SEMA3A: variants seen among roughly 807,000 people sequenced by gnomAD.
SEMA3A encodes the protein semaphorin 3A.
A neutral mutation model predicts 97.9 loss-of-function variants in SEMA3A; 29 were observed. That is an observed-to-expected ratio of 0.30 (90% CI 0.22 to 0.40). SEMA3A has a LOEUF of 0.40. Ranked by LOEUF, SEMA3A falls within the 10% of genes least tolerant of loss-of-function variation. The probability of loss-of-function intolerance (pLI) is 1.00; values close to 1 mark genes in which losing one functional copy is unlikely to be tolerated. For missense variants in SEMA3A, 763 were observed against 951.3 expected (o/e 0.80, Z 2.60); for synonymous variants, 321 against 323.7 (o/e 0.99, Z 0.09).
chr7:83,985,871 G>A (rs2116330897), intron 12 of SEMA3A, among the ~76,000 whole-genome samples: 1 of 152,306 alleles, frequency 6.6e-6, no homozygotes, highest in East Asian at 1.9e-4. Flanking sequence ...TGGTCAAAAA[G>A]CAGGGGTAAT....
In SEMA3A at chr7:84,095,341, T is replaced by TA. The variant is rs1425077698; in HGVS notation, c.453+15128_453+15129insT. On this transcript the variant is annotated intron_variant, in intron 4 of 16. Coordinates refer to ENST00000265362, the MANE Select transcript of SEMA3A (RefSeq NM_006080.3). ...ATGGCATTATATATATTATATATAT[T>TA]TTATATTTTTTATATACATATATAT... is the stretch of plus-strand genomic sequence containing the variant. Among the ~76,000 whole-genome samples, 268 of 119,738 alleles carry TA rather than the reference T, an allele frequency of 2.2e-3. 7 individuals are homozygous for TA. Among genetic ancestry groups the TA allele is most frequent in the Non-Finnish European group, 2.9e-3 (172 of 59,534 alleles). The allele number at this position is 119,738 out of a possible 152,430, so 78.6% of individuals were successfully genotyped here. A position where few individuals can be genotyped will look rare whatever the true frequency, so the allele number is the denominator to read the frequency against.
At chr7:84,397,426 A>T (rs1282296526) in intron 1 of SEMA3A, among the ~76,000 whole-genome samples, 4 of 148,246 alleles carry the variant, frequency 2.7e-5, no homozygotes, top group Admixed American at 2.0e-4. Flanking sequence ...TATATATATA[A>T]AATATATAAT....
At chr7:84,046,537 G>T in intron 5 of SEMA3A, 94 bp from the exon 6 acceptor site, 2 of 1,447,468 alleles carry the variant, frequency 1.4e-6, no homozygotes, top group South Asian at 2.5e-5. Context: ...TTCATGTTAT[G>T]ACCATGCTAA....
At position 83,956,957 on chromosome 7, in the gene SEMA3A, G is replaced by A. The variant is rs1305035430; in HGVS notation, c.*4414C>T. ...TCCATACCGCTCTTATTGTGAGCTTGTATTTGGCAATTGTCATATCGTAAC... is the reference window on the plus strand; with the variant it reads ...TCCATACCGCTCTTATTGTGAGCTTATATTTGGCAATTGTCATATCGTAAC... On this transcript the variant is annotated 3_prime_UTR_variant, in exon 17 of 17. Coordinates refer to ENST00000265362, the MANE Select transcript of SEMA3A (RefSeq NM_006080.3). 4.0e-5 allele frequency: 6 copies of A among 151,298 alleles called. No homozygotes were observed. The highest frequency in any genetic ancestry group is 3.3e-4 in the Admixed American group (5 of 15,172). The allele number at this position is 151,298 out of a possible 1,614,324, so 9.4% of individuals were successfully genotyped here.
chr7:84,075,919 A>C (rs901180387), intron 4 of SEMA3A, among the ~76,000 whole-genome samples: 1 of 152,184 alleles, frequency 6.6e-6, no homozygotes, highest in Non-Finnish European at 1.5e-5. Context: ...ATGGTTTATC[A>C]ATTATGAAAT....
intron 3 of SEMA3A, among the ~76,000 whole-genome samples, chr7:84,291,599 A>G (rs1316043436): frequency 3.9e-5 from 6 of 152,100 alleles, no homozygotes; most frequent in Admixed American, 2.0e-4. Flanking sequence ...AATTTGTGTT[A>G]CCATGTTCTT....
chr7:84,237,215 C>A (rs1028778864), intron 3 of SEMA3A, among the ~76,000 whole-genome samples: 2 of 152,018 alleles, frequency 1.3e-5, no homozygotes, highest in Non-Finnish European at 1.5e-5. Context: ...AAGGAAAAGA[C>A]AAACATATGT....
chr7:84,099,366 G>C (rs1375396328), intron 4 of SEMA3A, among the ~76,000 whole-genome samples: 1 of 54,900 alleles, frequency 1.8e-5, no homozygotes, highest in African/African-American at 3.6e-5. Flanking sequence ...CACCGCGCCC[G>C]GCCTTGAATT....
At chr7:84,245,539 C>T (rs929152909) in intron 3 of SEMA3A, among the ~76,000 whole-genome samples, 1 of 151,610 alleles carries the variant, frequency 6.6e-6, no homozygotes, top group Non-Finnish European at 1.5e-5. Context: ...TTAGAACATG[C>T]TTCTTTAGCT....
intron 3 of SEMA3A, among the ~76,000 whole-genome samples, chr7:84,270,523 C>T (rs1251991931): frequency 6.8e-6 from 1 of 147,480 alleles, no homozygotes; most frequent in Admixed American, 6.8e-5. Flanking sequence ...TCTCTATATG[C>T]ATATATATGA....
chr7:84,395,718 T>C (rs1178642739), intron 1 of SEMA3A, among the ~76,000 whole-genome samples: 3 of 152,238 alleles, frequency 2.0e-5, no homozygotes, highest in Admixed American at 1.3e-4. Flanking sequence ...CACTTCTTCC[T>C]GCTGCCCTTT....
rs371095554 is a variant in SEMA3A, at chr7:84,429,551, G to T, written c.-245-57651C>A. Among the ~76,000 whole-genome samples the T allele has an allele frequency of 6.4e-3, 334 of 52,498 alleles. 2 individuals are homozygous for T. Among genetic ancestry groups the T allele is most frequent in the African/African-American group, 0.023 (206 of 9,140 alleles). The allele number at this position is 52,498 out of a possible 152,430, so 34.4% of individuals were successfully genotyped here. ...ATATATATATATATATATATATAGC[G>T]AGAGAGAGAGAGAGAGAGAGAGGTT... On this transcript the variant is annotated intron_variant, in intron 1 of 3. Transcript: ENST00000424555.
intron 1 of SEMA3A, among the ~76,000 whole-genome samples, chr7:84,425,283 ATATATT>A (rs1804771842): frequency 8.1e-6 from 1 of 123,794 alleles, no homozygotes; most frequent in Non-Finnish European, 1.6e-5. Flanking sequence ...TATTTATATA[ATATATT>A]TATATTTATA....
intron 1 of SEMA3A, among the ~76,000 whole-genome samples, chr7:84,431,855 A>C (rs1426837934): frequency 6.6e-6 from 1 of 152,032 alleles, no homozygotes; most frequent in African/African-American, 2.4e-5. Context: ...ACTATATGTA[A>C]AGAAATAATT....
chr7:84,394,123 G>T (rs1206586943), intron 1 of SEMA3A, among the ~76,000 whole-genome samples: 2 of 151,966 alleles, frequency 1.3e-5, no homozygotes, highest in Admixed American at 6.6e-5. Context: ...ATCACAATAT[G>T]CAAGAAGGAT....
At chr7:84,107,692 A>G (rs1170697641) in intron 4 of SEMA3A, among the ~76,000 whole-genome samples, 1 of 152,168 alleles carries the variant, frequency 6.6e-6, no homozygotes, top group Non-Finnish European at 1.5e-5. Context: ...CCAGCTGCCC[A>G]CCCATACAGC....
In SEMA3A at chr7:83,961,696, G is replaced by A; in HGVS notation, c.1991C>T (p.Thr664Ile). 1 of 1,613,604 alleles carries A rather than the reference G, an allele frequency of 6.2e-7. No individual in the cohort carries two copies. Among genetic ancestry groups the A allele is most frequent in the Non-Finnish European group, 8.5e-7 (1 of 1,179,826 alleles). Residue 664 changes from threonine to isoleucine, a missense_variant, in exon 17 of 17, where the codon ACC becomes ATC. Transcript: ENST00000265362. ...HGFIQTLLKV[T>I]LEVIDTEHLE... ...ATGCTCTGTGTCAATGACTTCCAGG[G>A]TTACCTTAAGAAGAGTTTGTATGAA...
At chr7:84,178,211 T>C (rs1269818560) in intron 1 of SEMA3A, among the ~76,000 whole-genome samples, 2 of 152,274 alleles carry the variant, frequency 1.3e-5, no homozygotes, top group Non-Finnish European at 2.9e-5. Context: ...CCACAGCTCT[T>C]ATCTAATTCC....
Position 83,976,966 on chromosome 7 carries a change from T to C in SEMA3A, c.1717+166A>G, listed in dbSNP as rs112779252. 3.3e-5 allele frequency among the ~76,000 whole-genome samples: 5 copies of C among 152,290 alleles called. 1 individual carries two copies. Among genetic ancestry groups the C allele is most frequent in the African/African-American group, 1.2e-4 (5 of 41,578 alleles). ...TTTATGATAATAAAACATAATTCAG[T>C]GCCTTGTGTTCTTTAGGATTTTCTT... is the stretch of plus-strand genomic sequence containing the variant. On this transcript the variant is annotated intron_variant, in intron 15 of 16. Transcript: ENST00000265362.
Sources: allele counts gnomAD v4.1 joint callset (sites outside exome capture counted in the v4.1 genomes callset), GRCh38; gene constraint gnomAD v4.1.1; transcripts MANE v1.5; gene names NCBI Gene and HGNC (gene_info 2026-07-23, HGNC 2026-07-21).